The following TEAD1 variants were observed in gnomAD, a reference collection of about 807,000 sequenced individuals.
TEAD1 encodes transcriptional enhancer factor TEF-1.
In TEAD1, 9 loss-of-function variants were observed where a neutral mutation model predicts 54.9. The ratio of observed to expected loss-of-function variants is 0.16; its 90% CI spans 0.10 to 0.29. The LOEUF (loss-of-function observed/expected upper bound fraction) is 0.29, where lower values mean the gene tolerates loss of function less well. Ranked by LOEUF, TEAD1 falls within the 10% of genes least tolerant of loss-of-function variation. The pLI, the probability that TEAD1 is intolerant of heterozygous loss-of-function variation, is 1.00. For synonymous variants in TEAD1, 200 were observed against 187.8 expected (o/e 1.07, Z -0.53); for missense variants, 387 against 535.9 (o/e 0.72, Z 2.74).
chr11:12,762,730 G>A (rs1427392389), intron 2 of TEAD1, among the ~76,000 whole-genome samples: 3 of 152,142 alleles, frequency 2.0e-5, no homozygotes, highest in African/African-American at 7.2e-5. Flanking sequence ...TAATATTCAT[G>A]TGCCTCAGAG....
At chr11:12,864,997 A>G in intron 5 of TEAD1, 97 bp downstream of exon 5, 1 of 1,358,758 alleles carries the variant, frequency 7.4e-7, no homozygotes, top group South Asian at 1.2e-5. Flanking sequence ...GATTCTCGTA[A>G]CCTAGTTTCC....
At position 12,816,854 on chromosome 11, in the gene TEAD1, A is replaced by G. The variant is rs975608445; in HGVS notation, c.203-45396A>G. Among the ~76,000 whole-genome samples, 11 of 152,278 alleles carry G rather than the reference A, an allele frequency of 7.2e-5. No homozygotes were observed. In the East Asian group the frequency reaches 1.2e-3, roughly 16 times the overall value. On this transcript the variant is annotated intron_variant, in intron 3 of 12. Transcript: ENST00000527636. ...GGACACAGGTGATGATGGCATTACA[A>G]TGAGAATGTAGAGAACCTACAACTG...
At chr11:12,880,150 C>T (rs1206171906) in intron 6 of TEAD1, among the ~76,000 whole-genome samples, 2 of 152,114 alleles carry the variant, frequency 1.3e-5, no homozygotes, top group African/African-American at 4.8e-5. Context: ...ATTAAATGTG[C>T]CTTTCTGGGT....
At chr11:12,704,843 A>G (rs1270244080) in intron 2 of TEAD1, among the ~76,000 whole-genome samples, 1 of 152,212 alleles carries the variant, frequency 6.6e-6, no homozygotes. Flanking sequence ...TGGTTCTGGT[A>G]TTGCTTATTC....
intron 3 of TEAD1, among the ~76,000 whole-genome samples, chr11:12,861,984 CTTTT>C (rs72145575): frequency 0.19 from 23,610 of 124,268 alleles, 2,011 homozygotes; most frequent in Non-Finnish European, 0.2. Flanking sequence ...GAAACTCTGT[CTTTT>C]TTTTTTTTTT....
At chr11:12,712,919 T>G (rs1440064876) in intron 2 of TEAD1, among the ~76,000 whole-genome samples, 1 of 152,210 alleles carries the variant, frequency 6.6e-6, no homozygotes, top group Non-Finnish European at 1.5e-5. Context: ...AGACCCAAGC[T>G]AAGTTGGAAA....
chr11:12,759,983 C>T (rs1160226729), intron 2 of TEAD1, among the ~76,000 whole-genome samples: 1 of 152,232 alleles, frequency 6.6e-6, no homozygotes, highest in African/African-American at 2.4e-5. Context: ...AGCTGTTGAA[C>T]CCGTGAATAA....
At chr11:12,794,695 CAT>C (rs1196238063) in intron 3 of TEAD1, among the ~76,000 whole-genome samples, 1 of 152,206 alleles carries the variant, frequency 6.6e-6, no homozygotes, top group Non-Finnish European at 1.5e-5. Context: ...TGTTCCCACT[CAT>C]AATGAGCAGA....
intron 2 of TEAD1, among the ~76,000 whole-genome samples, chr11:12,752,217 T>TG (rs1944887982): frequency 6.7e-6 from 1 of 150,152 alleles, no homozygotes; most frequent in Admixed American, 6.6e-5. Context: ...AGGGCAGTTT[T>TG]TTTTTTTTTT....
At chr11:12,827,322 T>C (rs1946677263) in intron 3 of TEAD1, among the ~76,000 whole-genome samples, 1 of 152,204 alleles carries the variant, frequency 6.6e-6, no homozygotes, top group Admixed American at 6.5e-5. Flanking sequence ...TAGTAAATAT[T>C]CATGAGATAC....
chr11:12,901,039 T>C (rs1486870007), intron 9 of TEAD1, among the ~76,000 whole-genome samples: 1 of 152,216 alleles, frequency 6.6e-6, no homozygotes, highest in Non-Finnish European at 1.5e-5. Context: ...CTGAAGAAGC[T>C]TTAAAAATTA....
At chr11:12,745,258 C>G (rs191607698) in intron 2 of TEAD1, among the ~76,000 whole-genome samples, 2 of 152,278 alleles carry the variant, frequency 1.3e-5, no homozygotes, top group Admixed American at 6.5e-5. Flanking sequence ...TTGATAATTG[C>G]ACGGTGTGAT....
At chr11:12,886,584 A>G (rs1159997025) in intron 9 of TEAD1, among the ~76,000 whole-genome samples, 2 of 152,204 alleles carry the variant, frequency 1.3e-5, no homozygotes, top group African/African-American at 4.8e-5. Context: ...AGAACACAAG[A>G]ACTACCCAAG....
intron 3 of TEAD1, among the ~76,000 whole-genome samples, chr11:12,852,886 A>G (rs1241232048): frequency 6.6e-6 from 1 of 152,244 alleles, no homozygotes; most frequent in Non-Finnish European, 1.5e-5. Flanking sequence ...TGACACATGA[A>G]GTAAAGAACT....
At position 12,674,443 on chromosome 11, in the gene TEAD1, C is replaced by A. The variant is rs971642967; in HGVS notation, c.-599C>A. On this transcript the variant is annotated 5_prime_UTR_variant, in exon 1 of 13. Coordinates refer to ENST00000527636, the MANE Select transcript of TEAD1 (RefSeq NM_021961.6). ...CTCATTCCGAACATTCTTAGCATCGCTCGCGCCGCGCCGCGCCGCCTGAGC... is the reference window on the plus strand; with the variant it reads ...CTCATTCCGAACATTCTTAGCATCGATCGCGCCGCGCCGCGCCGCCTGAGC... The A allele has an allele frequency of 6.6e-6, 1 of 151,456 alleles. No homozygotes were observed. The highest frequency in any genetic ancestry group is 1.9e-4 in the East Asian group (1 of 5,136). 9.4% of individuals were successfully genotyped at this position (151,456 alleles called of 1,614,324 possible). A position where few individuals can be genotyped will look rare whatever the true frequency, so the allele number is the denominator to read the frequency against.
chr11:12,708,363 G>A (rs563039730), intron 2 of TEAD1, among the ~76,000 whole-genome samples: 1 of 151,992 alleles, frequency 6.6e-6, no homozygotes, highest in Non-Finnish European at 1.5e-5. Flanking sequence ...CCTGTCACTC[G>A]TGAAGAGACA....
At chr11:12,847,064 G>A (rs1947169381) in intron 3 of TEAD1, among the ~76,000 whole-genome samples, 1 of 152,180 alleles carries the variant, frequency 6.6e-6, no homozygotes, top group South Asian at 2.1e-4. Flanking sequence ...CCCAGTGCCT[G>A]CCAACACAGT....
intron 2 of TEAD1, among the ~76,000 whole-genome samples, chr11:12,758,386 C>T (rs1251614805): frequency 6.8e-6 from 1 of 147,964 alleles, no homozygotes; most frequent in East Asian, 2.0e-4. Flanking sequence ...TTATAGGCAC[C>T]TGTCATCACG....
intron 11 of TEAD1, among the ~76,000 whole-genome samples, chr11:12,925,907 G>A (rs1428051604): frequency 6.6e-6 from 1 of 152,138 alleles, no homozygotes; most frequent in Non-Finnish European, 1.5e-5. Flanking sequence ...GCTTTTAATT[G>A]TTTTAGATAG....
Sources: gnomAD v4.1 joint callset for allele counts (sites outside exome capture counted in the v4.1 genomes callset) on GRCh38, gnomAD v4.1.1 for gene constraint, MANE v1.5 for transcripts, NCBI Gene and HGNC (gene_info 2026-07-23, HGNC 2026-07-21) for gene names.